Variants in DAPK1 observed in about 807,000 individuals in gnomAD.
DAPK1 encodes the protein death-associated protein kinase 1.
Under a neutral mutation model 144.9 loss-of-function variants are expected in DAPK1, and 56 were observed. The observed-to-expected ratio is 0.39, with a 90% confidence interval of 0.31 to 0.48. The LOEUF (loss-of-function observed/expected upper bound fraction) is 0.48, where lower values mean the gene tolerates loss of function less well. Ranked by LOEUF, DAPK1 falls within the 20% of genes least tolerant of loss-of-function variation. The probability of loss-of-function intolerance (pLI) is 0.95; values close to 1 mark genes in which losing one functional copy is unlikely to be tolerated. For synonymous variants in DAPK1, 690 were observed against 749.0 expected (o/e 0.92, Z 1.29); for missense variants, 1,454 against 1,875.4 (o/e 0.78, Z 4.15).
At chr9:87,648,577 G>A (rs921909807) in intron 14 of DAPK1, 5 of 534,588 alleles carry the variant, frequency 9.4e-6, no homozygotes, top group Non-Finnish European at 1.7e-5. Context: ...AGCCAAGTAT[G>A]TGGGCTTAAT....
At chr9:87,621,959 A>G (rs78513652) in intron 3 of DAPK1, among the ~76,000 whole-genome samples, 2,688 of 149,172 alleles carry the variant, frequency 0.018, 91 homozygotes, top group African/African-American at 0.061. Context: ...ACACGTTACC[A>G]CCTCTCTCCA....
At chr9:87,654,740 C>T (rs934705178) in intron 17 of DAPK1, among the ~76,000 whole-genome samples, 1 of 152,098 alleles carries the variant, frequency 6.6e-6, no homozygotes, top group Admixed American at 6.5e-5. Context: ...GTAGACATTC[C>T]CACTGTGCAC....
chr9:87,658,120 T>C lies in DAPK1; in HGVS notation c.1916T>C (p.Leu639Pro), dbSNP rs1265893701. ...LCLMGASVEALTTDGKTAEDL... is the reference protein window; with the variant it reads ...LCLMGASVEAPTTDGKTAEDL... ...CTGATGGGAGCCAGCGTTGAGGCGC[T>C]GACCACGGTGAGTGCCCACAGGGCT... Residue 639 changes from leucine (L) to proline (P), a missense_variant, in exon 18 of 26, where the codon CTG becomes CCG. Leu to Pro is a moderately conservative substitution (Grantham distance 98). Transcript: ENST00000408954. 1.5e-6 allele frequency: 2 copies of C among 1,354,270 alleles called. No individual in the cohort carries two copies. Among genetic ancestry groups the C allele is most frequent in the South Asian group, 1.2e-5 (1 of 84,584 alleles). 83.9% of individuals were successfully genotyped at this position (1,354,270 alleles called of 1,614,324 possible).
chr9:87,555,362 C>T (rs10868625), intron 2 of DAPK1, among the ~76,000 whole-genome samples: 43,654 of 152,082 alleles, frequency 0.29, 6,586 homozygotes, highest in Middle Eastern at 0.41. Flanking sequence ...TCTTTTCCTT[C>T]TCTGTCACAG....
Position 87,518,939 on chromosome 9 carries a change from C to T in DAPK1, c.62+19800C>T, listed in dbSNP as rs75108764. Among the ~76,000 whole-genome samples the T allele has an allele frequency of 2.7e-3, 413 of 150,534 alleles. 4 individuals are homozygous for T. Among genetic ancestry groups the T allele is most frequent in the African/African-American group, 9.7e-3 (398 of 41,224 alleles). ...CCAGGAAAAAAAAAAAAAAGATTTA[C>T]GTGTAGTCAAGAAAAAGTAGAGATC... On this transcript the variant is annotated intron_variant, in intron 2 of 25. Transcript: ENST00000408954.
intron 17 of DAPK1, among the ~76,000 whole-genome samples, chr9:87,652,109 C>T (rs1435432273): frequency 2.0e-5 from 3 of 147,796 alleles, no homozygotes; most frequent in African/African-American, 7.6e-5. Context: ...TCCCCCCGAT[C>T]CTGGGTCCTG....
At chr9:87,594,680 GC>G (rs2118902500) in intron 2 of DAPK1, among the ~76,000 whole-genome samples, 1 of 152,324 alleles carries the variant, frequency 6.6e-6, no homozygotes, top group African/African-American at 2.4e-5. Context: ...CAGTCCATCT[GC>G]TCTCAGTTGC....
At chr9:87,537,512 ATG>A (rs1399090243) in intron 2 of DAPK1, among the ~76,000 whole-genome samples, 1 of 151,896 alleles carries the variant, frequency 6.6e-6, no homozygotes, top group East Asian at 1.9e-4. Flanking sequence ...TGTGTGTAGT[ATG>A]TGACATACAT....
At chr9:87,666,914 C>T (rs894683200) in intron 18 of DAPK1, among the ~76,000 whole-genome samples, 10 of 152,128 alleles carry the variant, frequency 6.6e-5, no homozygotes, top group African/African-American at 1.9e-4. Flanking sequence ...TCAGACGTGT[C>T]GGGGGCAGGA....
rs187916077 is a variant in DAPK1 at position 87,634,743 on chromosome 9, C to T, written c.285-3200C>T. On this transcript the variant is annotated intron_variant, in intron 3 of 25. Transcript: ENST00000408954. ...TGTCAATCCCAGCTCACCCAGGTCA[C>T]CGCTGCAGTGCCTGTCCCTCCCCAA... Among the ~76,000 whole-genome samples the T allele has an allele frequency of 2.6e-5, 4 of 152,298 alleles. No individual in the cohort carries two copies. The East Asian group carries it at 5.8e-4, about 22-fold the overall frequency.
Position 87,706,279 on chromosome 9 carries a change from C to T in DAPK1, c.3208C>T (p.Gln1070Ter). 1 of 1,613,170 alleles carries T rather than the reference C, an allele frequency of 6.2e-7. No individual in the cohort carries two copies. Among genetic ancestry groups the T allele is most frequent in the Non-Finnish European group, 8.5e-7 (1 of 1,179,474 alleles). The change falls in exon 26 of 26, where the codon CAG (glutamine) becomes TAG (stop). Residue 1070 changes from glutamine (Q) to a stop codon, truncating the protein, a stop_gained. Coordinates refer to ENST00000408954, the MANE Select transcript of DAPK1 (RefSeq NM_004938.4). LOFTEE classifies it high-confidence loss of function. This position sits in a 1 kb window ranked among gnomAD's most constrained non-coding sequence, Gnocchi z 9.0. ...GGGCCGCTACACCGTGGAGGACATCCAGCGCCTGGTGCCCGACAGCGACGT... is the reference window on the plus strand; with the variant it reads ...GGGCCGCTACACCGTGGAGGACATCTAGCGCCTGGTGCCCGACAGCGACGT... ...YRGRYTVEDIQRLVPDSDVEE... is the reference protein window; with the variant it reads ...YRGRYTVEDI
At chr9:87,592,928 C>T (rs1197284651) in intron 2 of DAPK1, among the ~76,000 whole-genome samples, 3 of 152,184 alleles carry the variant, frequency 2.0e-5, no homozygotes, top group Admixed American at 6.5e-5. Flanking sequence ...ACTTCCTCCA[C>T]GAGGTGAGTC....
At chr9:87,681,785 T>C in intron 20 of DAPK1, 159 bp downstream of exon 20, 1 of 649,740 alleles carries the variant, frequency 1.5e-6, no homozygotes, top group East Asian at 2.7e-5. Context: ...GCTGGTAGCC[T>C]TGTGTGTGCT....
intron 2 of DAPK1, among the ~76,000 whole-genome samples, chr9:87,595,172 A>T (rs566950157): frequency 6.6e-6 from 1 of 152,334 alleles, no homozygotes; most frequent in African/African-American, 2.4e-5. Flanking sequence ...AACCAAAAAT[A>T]TGTAAGGAAG....
chr9:87,624,763 C>A (rs1225642990), intron 3 of DAPK1, among the ~76,000 whole-genome samples: 1 of 152,190 alleles, frequency 6.6e-6, no homozygotes, highest in African/African-American at 2.4e-5. Flanking sequence ...AACATCAATG[C>A]CCACCACAGC....
chr9:87,542,274 A>G (rs1214075421), intron 2 of DAPK1, among the ~76,000 whole-genome samples: 2 of 152,250 alleles, frequency 1.3e-5, no homozygotes, highest in Non-Finnish European at 2.9e-5. Context: ...GACAGGTCAG[A>G]CAGTGTCAGT....
At chr9:87,556,739 C>A (rs36075830) in intron 2 of DAPK1, among the ~76,000 whole-genome samples, 5,862 of 152,300 alleles carry the variant, frequency 0.038, 148 homozygotes, top group Middle Eastern at 0.095. Context: ...ATATCGAGGC[C>A]TGTGTGGCTC....
intron 2 of DAPK1, among the ~76,000 whole-genome samples, chr9:87,539,487 T>C (rs1331250113): frequency 7.0e-6 from 1 of 143,464 alleles, no homozygotes; most frequent in Non-Finnish European, 1.5e-5. Context: ...TGGAGTACAG[T>C]GGTATGATCT....
Position 87,651,610 on chromosome 9 carries a change from C to A in DAPK1, c.1710C>A (p.Val570=). 1.2e-6 allele frequency: 2 copies of A among 1,614,044 alleles called. No homozygotes were observed. Among genetic ancestry groups the A allele is most frequent in the Non-Finnish European group, 1.7e-6 (2 of 1,180,014 alleles). ...IKTLLSQGCF[V]DYQDRHGNTP... The stretch of plus-strand genomic sequence containing the variant: ...CTCTCCTCAGCCAAGGGTGTTTCGT[C>A]GATTATCAAGACAGGCACGGCAATA... Residue 570 remains valine, a synonymous_variant, in exon 17 of 26, where the codon GTC becomes GTA. Transcript: ENST00000408954.
Sources: gnomAD v4.1 joint callset for allele counts (sites outside exome capture counted in the v4.1 genomes callset) on GRCh38, gnomAD v4.1.1 for gene constraint, Gnocchi (gnomAD v3.1) non-coding constraint, MANE v1.5 for transcripts, NCBI Gene and HGNC (gene_info 2026-07-23, HGNC 2026-07-21) for gene names.